The following HARS2 variants were observed in gnomAD, a reference collection of about 807,000 sequenced individuals.
HARS2 encodes histidyl-tRNA synthetase 2, mitochondrial, also known as histidine--tRNA ligase, mitochondrial.
Under a neutral mutation model 62.4 loss-of-function variants are expected in HARS2, and 40 were observed. The ratio of observed to expected loss-of-function variants is 0.64; its 90% confidence interval spans 0.50 to 0.83. The LOEUF is 0.83. Among genes scored for constraint, HARS2 ranks in the 40% least tolerant of loss-of-function variants. HARS2 has a pLI of 0.00. For missense variants in HARS2, 569 were observed against 626.4 expected (o/e 0.91, Z 0.98); for synonymous variants, 228 against 227.0 (o/e 1.00, Z -0.04).
chr5:140,698,204 C>T, intron 12 of HARS2, 126 bp downstream of exon 12: 4 of 992,912 alleles, frequency 4.0e-6, no homozygotes. Context: ...TGAACAAACA[C>T]TCACTCAAGA....
chr5:140,698,795 G>A lies in HARS2; in HGVS notation c.*243G>A. The A allele has an allele frequency of 7.1e-6, 4 of 566,696 alleles. No individual in the cohort carries two copies. Among genetic ancestry groups the A allele is most frequent in the Non-Finnish European group, 6.3e-6 (2 of 316,012 alleles). The allele number at this position is 566,696 out of a possible 1,614,324, so 35.1% of individuals were successfully genotyped here. A position where few individuals can be genotyped will look rare whatever the true frequency, so the allele number is the denominator to read the frequency against. On this transcript the variant is annotated 3_prime_UTR_variant, in exon 13 of 13. Transcript: ENST00000230771. ...GTGAAAGAGACATGCTCTAGCTGCA[G>A]AGGCAAATTTGAAGTGCCACGGAAC...
chr5:140,691,866 C>T (rs1477792567), intron 1 of HARS2, 110 bp downstream of exon 1: 1 of 780,020 alleles, frequency 1.3e-6, no homozygotes, highest in Non-Finnish European at 2.2e-6. Context: ...TTATCGAGTG[C>T]CCACTATGTA....
At chr5:140,697,526 G>A (rs1243647567) in intron 10 of HARS2, 43 bp from the exon 11 acceptor site, 1 of 1,598,856 alleles carries the variant, frequency 6.3e-7, no homozygotes, top group African/African-American at 1.3e-5. Context: ...ATTGCTGGTG[G>A]AAAGGAGGTT....
chr5:140,691,933 G>A (rs1387976738), intron 1 of HARS2, 177 bp downstream of exon 1: 5 of 615,956 alleles, frequency 8.1e-6, no homozygotes, highest in Non-Finnish European at 1.5e-5. Flanking sequence ...GAGCAATCTT[G>A]AGAGGTTGGA....
chr5:140,697,056 G>T lies in HARS2; in HGVS notation c.940G>T (p.Gly314Ter). 2 of 1,614,124 alleles carry T rather than the reference G, an allele frequency of 1.2e-6. No homozygotes were observed. The highest frequency in any genetic ancestry group is 2.2e-5 in the South Asian group (2 of 91,042). The change falls in exon 9 of 13, where the codon GGA (glycine) becomes TGA (stop). Residue 314 changes from glycine to a stop codon, truncating the protein, a stop_gained. Transcript: ENST00000230771. LOFTEE classifies it high-confidence loss of function. ...GCTATTTGAATACCTGACTTTATTT[G>T]GAATTGCTGATAAGGTAAGCTGAAT... Reference protein sequence around the residue: ...KLLFEYLTLFGIADKISFDLS... With the variant: ...KLLFEYLTLF
At position 140,694,209 on chromosome 5, in the gene HARS2, G is replaced by A. The variant is rs1371647449; in HGVS notation, c.328G>A (p.Glu110Lys). 2.5e-6 allele frequency: 4 copies of A among 1,613,600 alleles called. No individual in the cohort carries two copies. The highest frequency in any genetic ancestry group is 3.4e-6 in the Non-Finnish European group (4 of 1,179,604). Residue 110 changes from glutamate (E) to lysine (K), a missense_variant, in exon 4 of 13, where the codon GAG (glutamate) becomes AAG (lysine). Physicochemically the swap from Glu to Lys is moderately conservative, Grantham distance 56 (BLOSUM62 1). Coordinates refer to ENST00000230771, the MANE Select transcript of HARS2 (RefSeq NM_012208.4). ...GGAAACCCTGACTGAGAAGTATGGA[G>A]AGGACTCTGGGCTCATGTATGATCT... ...LKETLTEKYG[E>K]DSGLMYDLKD...
intron 3 of HARS2, 29 bp from the exon 4 acceptor site, chr5:140,694,156 C>G: frequency 6.2e-7 from 1 of 1,602,222 alleles, no homozygotes. Flanking sequence ...ATGCTTTCAA[C>G]TGTGGCTCAT....
At position 140,697,182 on chromosome 5, in the gene HARS2, C is replaced by T. The variant is rs753287745; in HGVS notation, c.973C>T (p.Leu325=). ...IADKISFDLS[L]ARGLDYYTGV... ...CCCACAGATCTCCTTTGACCTCAGC[C>T]TGGCTCGGGGCCTAGACTACTATAC... Residue 325 remains leucine (L), a synonymous_variant, in exon 10 of 13, where the codon CTG becomes TTG. Coordinates refer to ENST00000230771, the MANE Select transcript of HARS2 (RefSeq NM_012208.4). 15 of 1,614,148 alleles carry T rather than the reference C, an allele frequency of 9.3e-6. No homozygotes were observed. The East Asian group carries it at 3.1e-4, about 34-fold the overall frequency.
rs770744135 is a variant in HARS2 at position 140,698,589 on chromosome 5, A to G, written c.*37A>G. 1.3e-6 allele frequency: 2 copies of G among 1,518,764 alleles called. No individual in the cohort carries two copies. The highest frequency in any genetic ancestry group is 9.1e-7 in the Non-Finnish European group (1 of 1,092,972). The allele number at this position is 1,518,764 out of a possible 1,614,324, so 94.1% of individuals were successfully genotyped here. A position where few individuals can be genotyped will look rare whatever the true frequency, so the allele number is the denominator to read the frequency against. The stretch of plus-strand genomic sequence containing the variant: ...TTCCCATCTGCTGCTCTTTGTAGAA[A>G]AGGTTTCCTCTAGAACTGAATTCCT... On this transcript the variant is annotated 3_prime_UTR_variant, in exon 13 of 13. Transcript: ENST00000230771.
At chr5:140,696,251 C>A in intron 7 of HARS2, 50 bp downstream of exon 7, 1 of 1,280,200 alleles carries the variant, frequency 7.8e-7, no homozygotes, top group Non-Finnish European at 1.1e-6. Flanking sequence ...TCTGCCCTGC[C>A]CTCAAATCCA....
At chr5:140,697,735 A>AC in intron 11 of HARS2, 50 bp downstream of exon 11, 1 of 1,359,886 alleles carries the variant, frequency 7.4e-7, no homozygotes, top group Non-Finnish European at 1.1e-6. Context: ...GGAATTTAGG[A>AC]CCCAGGGCTA....
Position 140,698,579 on chromosome 5 carries a change from C to G in HARS2, c.*27C>G. 2.5e-6 allele frequency: 4 copies of G among 1,574,470 alleles called. No individual in the cohort carries two copies. Among genetic ancestry groups the G allele is most frequent in the Non-Finnish European group, 3.5e-6 (4 of 1,143,824 alleles). ...CCTTGCCTGATTCCCATCTGCTGCT[C>G]TTTGTAGAAAAGGTTTCCTCTAGAA... On this transcript the variant is annotated 3_prime_UTR_variant, in exon 13 of 13. Coordinates refer to ENST00000230771, the MANE Select transcript of HARS2 (RefSeq NM_012208.4).
Position 140,699,234 on chromosome 5 carries a change from C to G in HARS2, c.*682C>G, listed in dbSNP as rs1383085754. 1.3e-5 allele frequency: 2 copies of G among 157,158 alleles called. No homozygotes were observed. Among genetic ancestry groups the G allele is most frequent in the Admixed American group, 1.2e-4 (2 of 16,484 alleles). 9.7% of individuals were successfully genotyped at this position (157,158 alleles called of 1,614,324 possible). A position where few individuals can be genotyped will look rare whatever the true frequency, so the allele number is the denominator to read the frequency against. ...CATTTCCTGTGCCAGAATCACTGCT[C>G]TATTCCATACCGTGCCATGGAGGCT... On this transcript the variant is annotated 3_prime_UTR_variant, in exon 13 of 13. Coordinates refer to ENST00000230771, the MANE Select transcript of HARS2 (RefSeq NM_012208.4).
At chr5:140,693,359 G>C in intron 1 of HARS2, 1 of 755,272 alleles carries the variant, frequency 1.3e-6, no homozygotes. Flanking sequence ...TCCATATACA[G>C]TGAGGAAGCT....
At chr5:140,696,813 A>G (rs554715533) in intron 8 of HARS2, 130 bp from the exon 9 acceptor site, 12 of 1,034,732 alleles carry the variant, frequency 1.2e-5, no homozygotes, top group South Asian at 1.1e-4. Flanking sequence ...GGGTCTTGTC[A>G]TGTGAGACTG....
chr5:140,697,497 T>G, intron 10 of HARS2, 72 bp from the exon 11 acceptor site: 1 of 1,605,936 alleles, frequency 6.2e-7, no homozygotes, highest in South Asian at 1.1e-5. Flanking sequence ...TGATGATTCT[T>G]TTTGTCTTGA....
At chr5:140,692,877 G>A (rs1464034478) in intron 1 of HARS2, among the ~76,000 whole-genome samples, 2 of 148,952 alleles carry the variant, frequency 1.3e-5, no homozygotes, top group African/African-American at 5.0e-5. Flanking sequence ...GGGCGACAGA[G>A]TAAGACTCTA....
In HARS2 at chr5:140,698,944, C is replaced by A; in HGVS notation, c.*392C>A. 1 of 292,892 alleles carries A rather than the reference C, an allele frequency of 3.4e-6. No homozygotes were observed. The highest frequency in any genetic ancestry group is 8.4e-5 in the East Asian group (1 of 11,946). 18.1% of individuals were successfully genotyped at this position (292,892 alleles called of 1,614,324 possible). On this transcript the variant is annotated 3_prime_UTR_variant, in exon 13 of 13. Transcript: ENST00000230771. Reference sequence around the variant, plus strand: ...TAGCCTTCTACTGTAGCTACGGAACCAGATTCTGGTGAATTTGTCCACAAT... The same window carrying A: ...TAGCCTTCTACTGTAGCTACGGAACAAGATTCTGGTGAATTTGTCCACAAT...
chr5:140,695,643 C>T lies in HARS2; in HGVS notation c.525+10C>T, dbSNP rs755930745. 2 of 1,614,224 alleles carry T rather than the reference C, an allele frequency of 1.2e-6. No individual in the cohort carries two copies. Among genetic ancestry groups the T allele is most frequent in the East Asian group, 4.5e-5 (2 of 44,890 alleles). ...GGAGTTCTGCCAGTGTGTAAGTGACCTGATGGGAGCAGCACAGTTTGATAG... is the reference window on the plus strand; with the variant it reads ...GGAGTTCTGCCAGTGTGTAAGTGACTTGATGGGAGCAGCACAGTTTGATAG... On this transcript the variant is annotated intron_variant, in intron 5 of 12. Transcript: ENST00000230771.
Sources: allele counts gnomAD v4.1 joint callset (sites outside exome capture counted in the v4.1 genomes callset), GRCh38; gene constraint gnomAD v4.1.1; transcripts MANE v1.5; gene names NCBI Gene and HGNC (gene_info 2026-07-23, HGNC 2026-07-21).